RNF13: variants seen among roughly 807,000 people sequenced by gnomAD.
RNF13 encodes the protein E3 ubiquitin-protein ligase RNF13.
RNF13 carries 19 observed loss-of-function variants against 37.7 expected under a neutral mutation model. The observed-to-expected ratio is 0.50, with a 90% confidence interval of 0.35 to 0.74. RNF13 has a LOEUF of 0.74. Among genes scored for constraint, RNF13 ranks in the 30% least tolerant of loss-of-function variants. The pLI is 0.01. For synonymous variants in RNF13, 144 were observed against 157.8 expected (o/e 0.91, Z 0.65); for missense variants, 375 against 453.0 (o/e 0.83, Z 1.56).
intron 1 of RNF13, among the ~76,000 whole-genome samples, chr3:149,839,995 C>A (rs573931932): frequency 2.0e-5 from 3 of 151,992 alleles, no homozygotes; most frequent in Non-Finnish European, 4.4e-5. Flanking sequence ...AGCAAGACAC[C>A]CATCTTGTGG....
At chr3:149,856,787 C>T (rs1723696444) in intron 3 of RNF13, among the ~76,000 whole-genome samples, 1 of 152,172 alleles carries the variant, frequency 6.6e-6, no homozygotes, top group African/African-American at 2.4e-5. Flanking sequence ...CACTCTGTCG[C>T]CCAGGCTGGA....
intron 3 of RNF13, among the ~76,000 whole-genome samples, chr3:149,866,616 T>A (rs2108429974): frequency 6.6e-6 from 1 of 152,362 alleles, no homozygotes; most frequent in East Asian, 1.9e-4. Context: ...AGTCTCATTT[T>A]ACCCAGCTCC....
At chr3:149,935,938 C>T (rs952521552) in intron 8 of RNF13, among the ~76,000 whole-genome samples, 1 of 151,940 alleles carries the variant, frequency 6.6e-6, no homozygotes, top group South Asian at 2.1e-4. Flanking sequence ...AGATGAATTC[C>T]TTCAGCTTTC....
At chr3:149,937,170 C>T (rs1719777133) in intron 8 of RNF13, among the ~76,000 whole-genome samples, 1 of 152,144 alleles carries the variant, frequency 6.6e-6, no homozygotes, top group Non-Finnish European at 1.5e-5. Context: ...AGCCCTACTT[C>T]CACGTTTGTC....
chr3:149,917,291 C>T (rs747995026), intron 7 of RNF13: 22 of 152,202 alleles, frequency 1.4e-4, no homozygotes, highest in Non-Finnish European at 3.1e-4. Context: ...GAAGGGAAGG[C>T]CTACTTCATT....
rs576310364 is a variant in RNF13 at position 149,887,131 on chromosome 3, G to A, written c.322-8342G>A. On this transcript the variant is annotated intron_variant, in intron 4 of 9. Coordinates refer to ENST00000392894, the MANE Select transcript of RNF13 (RefSeq NM_183381.3). ...CTTCTTCATTCCCCGCCCGCTTCCC[G>A]GCAGCAACCACGCAATGCAGAGTCT... is the stretch of plus-strand genomic sequence containing the variant. Among the ~76,000 whole-genome samples, 6 of 152,190 alleles carry A rather than the reference G, an allele frequency of 3.9e-5. No homozygotes were observed. The South Asian group carries it at 6.2e-4, about 16-fold the overall frequency.
At chr3:149,889,177 T>C (rs1464498571) in intron 4 of RNF13, among the ~76,000 whole-genome samples, 1 of 150,996 alleles carries the variant, frequency 6.6e-6, no homozygotes, top group Non-Finnish European at 1.5e-5. Flanking sequence ...GACCTCATGA[T>C]CCCCCCGACT....
intron 4 of RNF13, among the ~76,000 whole-genome samples, chr3:149,882,631 T>G (rs1559927199): frequency 6.6e-6 from 1 of 152,212 alleles, no homozygotes; most frequent in Non-Finnish European, 1.5e-5. Context: ...CTCTGAAACA[T>G]GAATTTTCAC....
intron 8 of RNF13, among the ~76,000 whole-genome samples, chr3:149,927,809 G>A (rs894001930): frequency 6.6e-6 from 1 of 151,924 alleles, no homozygotes; most frequent in Non-Finnish European, 1.5e-5. Context: ...TCAATTGGGT[G>A]GTTTATCATT....
At chr3:149,922,279 T>G (rs910056681) in intron 8 of RNF13, among the ~76,000 whole-genome samples, 6 of 152,132 alleles carry the variant, frequency 3.9e-5, no homozygotes, top group Non-Finnish European at 8.8e-5. Flanking sequence ...GCCTGTTTCC[T>G]GACTTTTTAA....
intron 8 of RNF13, among the ~76,000 whole-genome samples, chr3:149,928,236 G>A (rs60469092): frequency 1.3e-5 from 2 of 151,774 alleles, no homozygotes; most frequent in African/African-American, 4.8e-5. Context: ...TCATATCTAA[G>A]AATACACTGT....
chr3:149,858,770 T>C (rs1159968589), intron 3 of RNF13, among the ~76,000 whole-genome samples: 1 of 152,238 alleles, frequency 6.6e-6, no homozygotes, highest in Non-Finnish European at 1.5e-5. Flanking sequence ...TGATGTATAA[T>C]TTATTTCCCC....
intron 4 of RNF13, among the ~76,000 whole-genome samples, chr3:149,884,080 T>C (rs1442975697): frequency 6.6e-6 from 1 of 152,224 alleles, no homozygotes; most frequent in East Asian, 1.9e-4. Flanking sequence ...ATGTACCACA[T>C]TTGCTTTATC....
intron 5 of RNF13, among the ~76,000 whole-genome samples, chr3:149,900,050 CAT>C (rs1313391339): frequency 1.3e-5 from 2 of 152,088 alleles, no homozygotes; most frequent in East Asian, 1.9e-4. Context: ...TGAAGTAAAA[CAT>C]ATTTAGTTTT....
At chr3:149,928,685 T>A in intron 8 of RNF13, among the ~76,000 whole-genome samples, 1 of 152,102 alleles carries the variant, frequency 6.6e-6, no homozygotes, top group African/African-American at 2.4e-5. Context: ...GAGAATAATT[T>A]GAGGATAGAA....
intron 8 of RNF13, among the ~76,000 whole-genome samples, chr3:149,954,522 G>A (rs1291353353): frequency 6.6e-6 from 1 of 152,108 alleles, no homozygotes; most frequent in Non-Finnish European, 1.5e-5. Context: ...ATTTGCCAAT[G>A]AACCAAAAAG....
At chr3:149,835,165 G>T (rs1383980773) in intron 1 of RNF13, among the ~76,000 whole-genome samples, 1 of 152,092 alleles carries the variant, frequency 6.6e-6, no homozygotes, top group African/African-American at 2.4e-5. Flanking sequence ...AAAAATAGAT[G>T]TTTGACTTCA....
chr3:149,852,457 T>A (rs1723202751), intron 2 of RNF13, 59 bp from the exon 3 acceptor site: 1 of 681,018 alleles, frequency 1.5e-6, no homozygotes, highest in Non-Finnish European at 2.4e-6. Flanking sequence ...AATAAGTCTT[T>A]GTTTTTAATG....
chr3:149,935,511 G>GTTTTAA (rs1269385472), intron 8 of RNF13, among the ~76,000 whole-genome samples: 6 of 151,846 alleles, frequency 4.0e-5, no homozygotes, highest in Non-Finnish European at 8.8e-5. Context: ...CTGGTAGTAT[G>GTTTTAA]TTTTAATTCC....
Sources: gnomAD v4.1 joint callset for allele counts (sites outside exome capture counted in the v4.1 genomes callset) on GRCh38, gnomAD v4.1.1 for gene constraint, MANE v1.5 for transcripts, NCBI Gene and HGNC (gene_info 2026-07-23, HGNC 2026-07-21) for gene names.